The following TCN2 variants were observed in gnomAD, a reference collection of about 807,000 sequenced individuals.
TCN2 encodes the protein transcobalamin-2.
Under a neutral mutation model 48.6 loss-of-function variants are expected in TCN2, and 34 were observed. That is an observed-to-expected ratio of 0.70 (90% CI 0.53 to 0.93). TCN2 has a LOEUF of 0.93. Among genes scored for constraint, TCN2 ranks in the 40% least tolerant of loss-of-function variants. The probability of loss-of-function intolerance (pLI) is 0.00; values close to 1 mark genes in which losing one functional copy is unlikely to be tolerated. For missense variants in TCN2, 652 were observed against 526.1 expected, an observed-to-expected ratio of 1.24 and a Z score of -2.34; for synonymous variants, 283 against 212.5, an observed-to-expected ratio of 1.33 and a Z score of -2.89.
chr22:30,617,629 C>G, intron 7 of TCN2, 134 bp downstream of exon 7: 1 of 1,192,146 alleles, frequency 8.4e-7, no homozygotes, highest in East Asian at 2.5e-5. Flanking sequence ...TCTACCTGCT[C>G]AGCTCCTTTC....
rs1491172112 is a variant in TCN2 at position 30,623,847 on chromosome 22, CAT to C, written c.1222+766_1222+767del. Among the ~76,000 whole-genome samples the C allele has an allele frequency of 1.8e-4, 5 of 27,048 alleles. 2 individuals carry two copies. Among genetic ancestry groups the C allele is most frequent in the African/African-American group, 9.1e-4 (2 of 2,206 alleles). The allele number at this position is 27,048 out of a possible 152,430, so 17.7% of individuals were successfully genotyped here. A position where few individuals can be genotyped will look rare whatever the true frequency, so the allele number is the denominator to read the frequency against. Reference sequence around the variant, plus strand: ...ATACACACACATATACACACACATACATACACATACATACACACATATATACA... The same window carrying C: ...ATACACACACATATACACACACATACACACATACATACACACATATATACA... On this transcript the variant is annotated intron_variant, in intron 8 of 8. Transcript: ENST00000215838.
intron 8 of TCN2, among the ~76,000 whole-genome samples, chr22:30,624,416 T>C (rs1602057910): frequency 1.3e-5 from 2 of 152,232 alleles, no homozygotes; most frequent in South Asian, 4.1e-4. Context: ...ACTCTTGTTA[T>C]TTAAGTTGCT....
chr22:30,607,443 G>A, intron 1 of TCN2, 48 bp downstream of exon 1: 1 of 1,610,000 alleles, frequency 6.2e-7, no homozygotes, highest in Non-Finnish European at 8.5e-7. Flanking sequence ...TGGGTCCTTA[G>A]TGGGGTGGCT....
intron 7 of TCN2, among the ~76,000 whole-genome samples, chr22:30,621,021 T>C (rs1193077963): frequency 6.6e-6 from 1 of 152,152 alleles, no homozygotes; most frequent in Non-Finnish European, 1.5e-5. Context: ...GAGACGGAGT[T>C]GCATTCAGTC....
Position 30,620,838 on chromosome 22 carries a change from A to G in TCN2, c.1107-2130A>G, listed in dbSNP as rs184939740. ...GAGGCCCCTGAATGCACAGCAGAGA[A>G]AGCTCAACTGCAGACACAGATAGAC... On this transcript the variant is annotated intron_variant, in intron 7 of 8. Transcript: ENST00000215838. Among the ~76,000 whole-genome samples, 4 of 152,342 alleles carry G rather than the reference A, an allele frequency of 2.6e-5. No individual in the cohort carries two copies. In the East Asian group the frequency reaches 7.7e-4, roughly 29 times the overall value.
Position 30,612,948 on chromosome 22 carries a change from T to TCTCAGAG in TCN2, c.335_341dup (p.Asn115GlnfsTer5), listed in dbSNP as rs777038388. 3 of 1,614,034 alleles carry TCTCAGAG rather than the reference T, an allele frequency of 1.9e-6. No homozygotes were observed. In the African/African-American group the frequency reaches 4.0e-5, roughly 22 times the overall value. On this transcript the variant is annotated frameshift_variant, in exon 3 of 9. Transcript: ENST00000215838. LOFTEE classifies it high-confidence loss of function. ...GCCAGCTGGCCCTCTACCTGCTCGC[T>TCTCAGAG]CTCAGAGCCAACTGTGAGTTTGTCA...
At chr22:30,618,500 T>C (rs1184035871) in intron 7 of TCN2, among the ~76,000 whole-genome samples, 2 of 152,066 alleles carry the variant, frequency 1.3e-5, no homozygotes, top group Admixed American at 6.6e-5. Flanking sequence ...TACAGGCGCG[T>C]GCCACCATGC....
chr22:30,618,628 G>A (rs901883850), intron 7 of TCN2, among the ~76,000 whole-genome samples: 1 of 152,146 alleles, frequency 6.6e-6, no homozygotes, highest in Non-Finnish European at 1.5e-5. Flanking sequence ...TGGGATTACA[G>A]GCATGGGCCT....
At chr22:30,623,242 C>A in intron 8 of TCN2, 159 bp downstream of exon 8, 1 of 617,422 alleles carries the variant, frequency 1.6e-6, no homozygotes, top group Non-Finnish European at 2.8e-6. Flanking sequence ...TGAACTGAAG[C>A]CTTAGAATTT....
In TCN2 at chr22:30,623,803, T is replaced by TATATAGAC. The variant is rs57088816; in HGVS notation, c.1222+721_1222+722insTATAGACA. Among the ~76,000 whole-genome samples, 4 of 61,600 alleles carry TATATAGAC rather than the reference T, an allele frequency of 6.5e-5. 1 individual carries two copies. The highest frequency in any genetic ancestry group is 1.1e-4 in the Non-Finnish European group (4 of 37,904). The allele number at this position is 61,600 out of a possible 152,430, so 40.4% of individuals were successfully genotyped here. ...ATATATGTATACATATATACACACA[T>TATATAGAC]ACACATATATACACACACATACACA... On this transcript the variant is annotated intron_variant, in intron 8 of 8. Transcript: ENST00000215838.
intron 8 of TCN2, 149 bp from the exon 9 acceptor site, chr22:30,626,311 C>A (rs2087808863): frequency 2.5e-6 from 2 of 794,764 alleles, no homozygotes; most frequent in Non-Finnish European, 4.3e-6. Flanking sequence ...AGTCTTTGAG[C>A]AGGCTTTAGG....
chr22:30,609,340 C>T (rs971019860), intron 1 of TCN2, among the ~76,000 whole-genome samples: 4 of 152,050 alleles, frequency 2.6e-5, no homozygotes, highest in Admixed American at 2.6e-4. Flanking sequence ...CAGCCCTTAG[C>T]TGGCAGGGCT....
intron 8 of TCN2, among the ~76,000 whole-genome samples, chr22:30,624,915 C>G (rs557650800): frequency 8.0e-4 from 122 of 152,270 alleles, no homozygotes; most frequent in African/African-American, 2.8e-3. Context: ...AACTGGGTGG[C>G]TTATAAACAG....
intron 7 of TCN2, 134 bp from the exon 8 acceptor site, chr22:30,622,834 G>T: frequency 1.2e-6 from 1 of 863,986 alleles, no homozygotes; most frequent in South Asian, 1.4e-5. Flanking sequence ...CTGTGGCCAG[G>T]TGGCCTGGGA....
intron 8 of TCN2, among the ~76,000 whole-genome samples, chr22:30,625,046 GTC>G (rs1231820326): frequency 6.6e-6 from 1 of 152,120 alleles, no homozygotes; most frequent in East Asian, 1.9e-4. Context: ...GTGAAACCCT[GTC>G]TCTACTAAAA....
chr22:30,615,881 T>C, intron 6 of TCN2, 94 bp downstream of exon 6: 3 of 1,519,100 alleles, frequency 2.0e-6, no homozygotes, highest in South Asian at 1.1e-5. Context: ...CCTGATTTGC[T>C]GAGTCAGCAC....
At position 30,615,351 on chromosome 22, in the gene TCN2, T is replaced by G. The variant is rs1327719258; in HGVS notation, c.631T>G (p.Phe211Val). 3 of 1,614,078 alleles carry G rather than the reference T, an allele frequency of 1.9e-6. No homozygotes were observed. The highest frequency in any genetic ancestry group is 2.5e-6 in the Non-Finnish European group (3 of 1,180,022). The change falls in exon 5 of 9, where the codon TTC (phenylalanine) becomes GTC (valine). Residue 211 changes from phenylalanine to valine, a missense_variant. Physicochemically the swap from Phe to Val is conservative, Grantham distance 50. Coordinates refer to ENST00000215838, the MANE Select transcript of TCN2 (RefSeq NM_000355.4). Reference sequence around the variant, plus strand: ...ATTCACCTGTCTGAAGCGCTCAAACTTCAACCCTGGTCGGAGACAACGGAT... The same window carrying G: ...ATTCACCTGTCTGAAGCGCTCAAACGTCAACCCTGGTCGGAGACAACGGAT... ...LAFTCLKRSN[F>V]NPGRRQRITM...
intron 8 of TCN2, 118 bp downstream of exon 8, chr22:30,623,201 T>C: frequency 1.1e-6 from 1 of 881,660 alleles, no homozygotes; most frequent in Non-Finnish European, 1.8e-6. Context: ...CTTCACAAAA[T>C]CACTGATGCT....
At chr22:30,612,431 TC>T (rs1370794143) in intron 2 of TCN2, among the ~76,000 whole-genome samples, 1 of 152,042 alleles carries the variant, frequency 6.6e-6, no homozygotes, top group Non-Finnish European at 1.5e-5. Context: ...GCAACTGTAA[TC>T]CCAGCTACTT....
Sources: allele counts gnomAD v4.1 joint callset (sites outside exome capture counted in the v4.1 genomes callset), GRCh38; gene constraint gnomAD v4.1.1; transcripts MANE v1.5; gene names NCBI Gene and HGNC (gene_info 2026-07-23, HGNC 2026-07-21).